ANO10: variants seen among roughly 807,000 people sequenced by gnomAD.
ANO10 encodes anoctamin-10.
Under a neutral mutation model 74.7 loss-of-function variants are expected in ANO10, and 77 were observed. That is an observed-to-expected ratio of 1.03 (90% CI 0.86 to 1.25). The LOEUF is 1.25. Ranked by LOEUF, ANO10 falls within the 50% of genes most tolerant of loss-of-function variation. The pLI is 0.00. For missense variants in ANO10, 721 were observed against 778.1 expected (o/e 0.93, Z 0.87); for synonymous variants, 279 against 284.9 (o/e 0.98, Z 0.21).
intron 1 of ANO10, among the ~76,000 whole-genome samples, chr3:43,643,678 C>CTTTTTTTTTTTTTTT (rs1310556861): frequency 2.2e-5 from 3 of 133,624 alleles, no homozygotes; most frequent in Admixed American, 7.7e-5. Flanking sequence ...TTGTCCTCAT[C>CTTTTTTTTTTTTTTT]TTTTCTTTTT....
chr3:43,373,922 T>A (rs1171867530), intron 12 of ANO10, among the ~76,000 whole-genome samples: 1 of 152,250 alleles, frequency 6.6e-6, no homozygotes, highest in East Asian at 1.9e-4. Context: ...CAAGCCCTCA[T>A]CAGGGCTGCT....
chr3:43,523,075 G>A (rs981112206), intron 11 of ANO10, among the ~76,000 whole-genome samples: 2 of 152,182 alleles, frequency 1.3e-5, no homozygotes, highest in Admixed American at 6.5e-5. Flanking sequence ...CAGGAAAGAG[G>A]TTTATGTGTT....
chr3:43,388,965 C>A (rs571633408), intron 12 of ANO10, among the ~76,000 whole-genome samples: 19 of 152,222 alleles, frequency 1.2e-4, no homozygotes, highest in Non-Finnish European at 2.8e-4. Context: ...CTGTTCCCAT[C>A]ACACAAACCT....
chr3:43,457,163 G>A (rs2075165401), intron 11 of ANO10, among the ~76,000 whole-genome samples: 1 of 152,190 alleles, frequency 6.6e-6, no homozygotes, highest in African/African-American at 2.4e-5. Flanking sequence ...GACTCCTTTG[G>A]TATTGAACTT....
intron 1 of ANO10, among the ~76,000 whole-genome samples, chr3:43,607,293 G>A (rs571444572): frequency 2.0e-5 from 3 of 151,454 alleles, no homozygotes; most frequent in Admixed American, 6.6e-5. Context: ...CTTGAGCCCA[G>A]GAGTTCAAGA....
At chr3:43,377,932 C>T (rs887654792) in intron 12 of ANO10, among the ~76,000 whole-genome samples, 1 of 152,166 alleles carries the variant, frequency 6.6e-6, no homozygotes, top group Non-Finnish European at 1.5e-5. Flanking sequence ...ACAGTGGTGG[C>T]CATCTGAGAA....
intron 12 of ANO10, among the ~76,000 whole-genome samples, chr3:43,388,719 T>C (rs1406318042): frequency 6.6e-6 from 1 of 152,222 alleles, no homozygotes. Flanking sequence ...TGAAAAAAAC[T>C]AATGTTTCTG....
Position 43,605,802 on chromosome 3 carries a change from AGGTGT to A in ANO10, c.46_50del (p.Thr16PhefsTer25). The A allele has an allele frequency of 6.2e-7, 1 of 1,613,774 alleles. No homozygotes were observed. The highest frequency in any genetic ancestry group is 8.5e-7 in the Non-Finnish European group (1 of 1,179,762). ...CCTGAGCAAGTTCTATGACCACCAA[AGGTGT>A]GAAAGAACTCTCAGAAGTATCCAAA... On this transcript the variant is annotated frameshift_variant, in exon 2 of 13. Coordinates refer to ENST00000292246, the MANE Select transcript of ANO10 (RefSeq NM_018075.5). LOFTEE classifies it high-confidence loss of function.
At chr3:43,493,590 AT>A in intron 11 of ANO10, among the ~76,000 whole-genome samples, 1 of 152,360 alleles carries the variant, frequency 6.6e-6, no homozygotes, top group South Asian at 2.1e-4. Flanking sequence ...AAGAAACACA[AT>A]AAAAAATAAT....
At position 43,448,849 on chromosome 3, in the gene ANO10, TTTTCTTTC is replaced by T. The variant is rs1271519176; in HGVS notation, c.1798-16130_1798-16123del. On this transcript the variant is annotated intron_variant, in intron 11 of 12. Coordinates refer to ENST00000292246, the MANE Select transcript of ANO10 (RefSeq NM_018075.5). ...TATTGGATTGTTTGTTTATGGATTG[TTTTCTTTC>T]TTTCTTTCTTTCTTTCTTTTTTTTT... 2.8e-3 allele frequency among the ~76,000 whole-genome samples: 424 copies of T among 149,056 alleles called. 1 individual carries two copies. Among genetic ancestry groups the T allele is most frequent in the African/African-American group, 9.7e-3 (396 of 40,840 alleles).
chr3:43,407,197 C>T (rs1007844103), intron 12 of ANO10, among the ~76,000 whole-genome samples: 9 of 152,182 alleles, frequency 5.9e-5, no homozygotes, highest in African/African-American at 2.2e-4. Context: ...AGCCACCATG[C>T]ACAGCTGCAA....
At chr3:43,458,941 GGAT>G (rs2075261582) in intron 11 of ANO10, among the ~76,000 whole-genome samples, 1 of 152,162 alleles carries the variant, frequency 6.6e-6, no homozygotes, top group Non-Finnish European at 1.5e-5. Flanking sequence ...AGTTTGCTGA[GGAT>G]GATGATTAAA....
chr3:43,371,616 G>A (rs1411022464), intron 12 of ANO10, among the ~76,000 whole-genome samples: 6 of 152,316 alleles, frequency 3.9e-5, no homozygotes, highest in Non-Finnish European at 1.5e-5. Context: ...TGGCGGGGAA[G>A]AAGGGAGGAT....
At chr3:43,554,171 T>C (rs1165601064) in intron 10 of ANO10, among the ~76,000 whole-genome samples, 2 of 151,552 alleles carry the variant, frequency 1.3e-5, no homozygotes, top group Non-Finnish European at 2.9e-5. Flanking sequence ...GTTCTTTCTA[T>C]GATGAGTGAT....
intron 11 of ANO10, among the ~76,000 whole-genome samples, chr3:43,515,352 A>C (rs1328469291): frequency 2.0e-5 from 3 of 152,188 alleles, no homozygotes; most frequent in Non-Finnish European, 4.4e-5. Flanking sequence ...GGTAAGAAAG[A>C]ATTCTCTCTA....
chr3:43,551,769 A>C (rs2079473196), intron 10 of ANO10, among the ~76,000 whole-genome samples: 1 of 152,092 alleles, frequency 6.6e-6, no homozygotes, highest in Non-Finnish European at 1.5e-5. Context: ...CTTTTGATTA[A>C]TATTTCCATA....
intron 11 of ANO10, among the ~76,000 whole-genome samples, chr3:43,486,851 G>A (rs970913629): frequency 1.3e-5 from 2 of 148,796 alleles, no homozygotes; most frequent in African/African-American, 5.0e-5. Context: ...TTGAATAGGA[G>A]TGGTGAGAGA....
chr3:43,426,102 TC>T lies in ANO10; in HGVS notation c.1914+6508del, dbSNP rs1265698600. On this transcript the variant is annotated intron_variant, in intron 12 of 12. Coordinates refer to ENST00000292246, the MANE Select transcript of ANO10 (RefSeq NM_018075.5). ...AATCCACCTATGACCTGTAAGCCCA[TC>T]CCTCCCCCGCCTCCACACCTTTCAC... Among the ~76,000 whole-genome samples, 3 of 151,960 alleles carry T rather than the reference TC, an allele frequency of 2.0e-5. No individual in the cohort carries two copies. In the East Asian group the frequency reaches 5.8e-4, roughly 29 times the overall value.
chr3:43,646,174 CAG>C (rs1333847211), intron 1 of ANO10, among the ~76,000 whole-genome samples: 1 of 152,170 alleles, frequency 6.6e-6, no homozygotes, highest in African/African-American at 2.4e-5. Context: ...TATTTTTCTG[CAG>C]AGTCATGTTC....
Sources: allele counts gnomAD v4.1 joint callset (sites outside exome capture counted in the v4.1 genomes callset), GRCh38; gene constraint gnomAD v4.1.1; transcripts MANE v1.5; gene names NCBI Gene and HGNC (gene_info 2026-07-23, HGNC 2026-07-21).